Variants in NOL4L observed in about 807,000 individuals in gnomAD.
NOL4L encodes nucleolar protein 4 like.
NOL4L carries 7 observed loss-of-function variants against 64.5 expected under a neutral mutation model. That is an observed-to-expected ratio of 0.11 (90% CI 0.06 to 0.20). The LOEUF is 0.20. NOL4L is among the 10% of genes least tolerant of loss of function. The probability of loss-of-function intolerance (pLI) is 1.00; values close to 1 mark genes in which losing one functional copy is unlikely to be tolerated. For synonymous variants in NOL4L, 413 were observed against 401.0 expected (o/e 1.03, Z -0.36); for missense variants, 680 against 967.1 (o/e 0.70, Z 3.94).
At chr20:32,581,266 C>G (rs1281653073) in intron 1 of NOL4L, among the ~76,000 whole-genome samples, 1 of 152,148 alleles carries the variant, frequency 6.6e-6, no homozygotes, top group African/African-American at 2.4e-5. Flanking sequence ...GACCCCCGCC[C>G]TGCCCCACCC....
At chr20:32,535,766 G>C in intron 1 of NOL4L, 1 of 985,490 alleles carries the variant, frequency 1.0e-6, no homozygotes, top group South Asian at 4.7e-5. Flanking sequence ...GTAGGGGGAA[G>C]GAATGGGAAG....
At chr20:32,506,799 GCTC>G (rs2017158684) in intron 4 of NOL4L, among the ~76,000 whole-genome samples, 1 of 152,184 alleles carries the variant, frequency 6.6e-6, no homozygotes, top group African/African-American at 2.4e-5. Context: ...GAAGGGGTCT[GCTC>G]CTCCTCACCT....
chr20:32,574,942 C>G (rs1182487855), intron 1 of NOL4L, among the ~76,000 whole-genome samples: 1 of 152,096 alleles, frequency 6.6e-6, no homozygotes, highest in Non-Finnish European at 1.5e-5. Flanking sequence ...CCCAGGGTTG[C>G]CTGCGACCCT....
Position 32,463,635 on chromosome 20 carries a change from A to G in NOL4L, c.842-7240T>C, listed in dbSNP as rs2014288849. Among the ~76,000 whole-genome samples the G allele has an allele frequency of 6.6e-6, 1 of 152,194 alleles. No individual in the cohort carries two copies. The highest frequency in any genetic ancestry group is 6.5e-5 in the Admixed American group (1 of 15,288). On this transcript the variant is annotated intron_variant, in intron 5 of 10. Coordinates refer to ENST00000621426, the MANE Select transcript of NOL4L (RefSeq NM_001256798.2). The surrounding 1 kb of genome is among the most constrained non-coding windows in gnomAD (Gnocchi z 5.8). ...CAATGTGCTGCTATTCAAATGGAGG[A>G]ATTAGTGATGAATGGGGGAAATTGT... is the stretch of plus-strand genomic sequence containing the variant.
At chr20:32,568,139 T>C (rs1473735908) in intron 1 of NOL4L, among the ~76,000 whole-genome samples, 2 of 151,670 alleles carry the variant, frequency 1.3e-5, no homozygotes, top group African/African-American at 2.4e-5. Flanking sequence ...ATCACCATCC[T>C]CACCACCATC....
At chr20:32,541,271 C>G (rs1367445838) in intron 1 of NOL4L, among the ~76,000 whole-genome samples, 1 of 152,190 alleles carries the variant, frequency 6.6e-6, no homozygotes, top group Admixed American at 6.5e-5. Context: ...AAGGAATAAG[C>G]AAGTGGCCTC....
In NOL4L at chr20:32,494,276, A is replaced by C. The variant is rs1484884289; in HGVS notation, c.699+17071T>G. Among the ~76,000 whole-genome samples, 14 of 85,160 alleles carry C rather than the reference A, an allele frequency of 1.6e-4. 1 individual carries two copies. Among genetic ancestry groups the C allele is most frequent in the Non-Finnish European group, 3.1e-4 (12 of 39,086 alleles). 55.9% of individuals were successfully genotyped at this position (85,160 alleles called of 152,430 possible). On this transcript the variant is annotated intron_variant, in intron 4 of 10. Coordinates refer to ENST00000621426, the MANE Select transcript of NOL4L (RefSeq NM_001256798.2). Reference sequence around the variant, plus strand: ...GGGAAAAAAAAAAAAAAAAAAAAAAAAAAAAACACACAACACACACACACA... The same window carrying C: ...GGGAAAAAAAAAAAAAAAAAAAAAACAAAAAACACACAACACACACACACA...
At chr20:32,497,915 G>A (rs1210747954) in intron 4 of NOL4L, among the ~76,000 whole-genome samples, 4 of 152,208 alleles carry the variant, frequency 2.6e-5, no homozygotes, top group Non-Finnish European at 5.9e-5. Flanking sequence ...AAAGCGTCCC[G>A]AGGCCAGCCC....
At chr20:32,502,608 T>C (rs1458325623) in intron 4 of NOL4L, among the ~76,000 whole-genome samples, 2 of 148,520 alleles carry the variant, frequency 1.3e-5, no homozygotes, top group African/African-American at 5.0e-5. Context: ...GTATTCTATC[T>C]ATAAAAATAA....
At chr20:32,523,357 G>T (rs1425151444) in intron 2 of NOL4L, among the ~76,000 whole-genome samples, 1 of 152,188 alleles carries the variant, frequency 6.6e-6, no homozygotes, top group Non-Finnish European at 1.5e-5. Flanking sequence ...GTCCAGCCCA[G>T]CTCTGCACTG....
chr20:32,537,000 G>C, intron 1 of NOL4L: 4 of 660,516 alleles, frequency 6.1e-6, no homozygotes, highest in South Asian at 7.0e-5. Context: ...GCGCGCGCCC[G>C]CCGGCCTCGC....
At chr20:32,537,526 AC>A (rs1457490386) in intron 1 of NOL4L, among the ~76,000 whole-genome samples, 1 of 152,206 alleles carries the variant, frequency 6.6e-6, no homozygotes, top group Non-Finnish European at 1.5e-5. Context: ...CGATTTGCCC[AC>A]AGTCACAAGG....
intron 5 of NOL4L, among the ~76,000 whole-genome samples, chr20:32,461,286 C>T (rs1451056971): frequency 3.3e-5 from 5 of 152,176 alleles, no homozygotes; most frequent in South Asian, 2.1e-4. Flanking sequence ...TTGCTGTTCC[C>T]TCTTCCTGCT....
intron 10 of NOL4L, among the ~76,000 whole-genome samples, chr20:32,449,476 A>G (rs2012653105): frequency 6.6e-6 from 1 of 152,260 alleles, no homozygotes; most frequent in African/African-American, 2.4e-5. Context: ...CAAATGGGGA[A>G]GGAAGCTGGA....
At chr20:32,452,197 C>G in intron 10 of NOL4L, 39 bp downstream of exon 10, 1 of 1,486,960 alleles carries the variant, frequency 6.7e-7, no homozygotes, top group Non-Finnish European at 9.0e-7. Context: ...CAGCTGGGTG[C>G]TGGTCGGGAA....
Position 32,497,715 on chromosome 20 carries a change from C to A in NOL4L, c.699+13632G>T, listed in dbSNP as rs2016752369. 2.0e-5 allele frequency among the ~76,000 whole-genome samples: 3 copies of A among 152,180 alleles called. No individual in the cohort carries two copies. The South Asian group carries it at 6.2e-4, about 31-fold the overall frequency. ...TGAGCTGCTCCTTCCTGGCCCAGCCCAGGAAAGACGTCTCCTTTCCTGTTA... is the reference window on the plus strand; with the variant it reads ...TGAGCTGCTCCTTCCTGGCCCAGCCAAGGAAAGACGTCTCCTTTCCTGTTA... On this transcript the variant is annotated intron_variant, in intron 4 of 10. Transcript: ENST00000621426.
At chr20:32,502,156 T>C (rs2016945981) in intron 4 of NOL4L, among the ~76,000 whole-genome samples, 1 of 152,146 alleles carries the variant, frequency 6.6e-6, no homozygotes, top group Admixed American at 6.5e-5. Flanking sequence ...ACTTATAGTA[T>C]AAGCAGGTTA....
intron 1 of NOL4L, among the ~76,000 whole-genome samples, chr20:32,557,893 T>C (rs1397597699): frequency 6.6e-6 from 1 of 152,116 alleles, no homozygotes; most frequent in African/African-American, 2.4e-5. Context: ...AGTGAAACCT[T>C]GTTTCTACAA....
At chr20:32,565,463 T>G (rs1979368769) in intron 1 of NOL4L, among the ~76,000 whole-genome samples, 1 of 152,296 alleles carries the variant, frequency 6.6e-6, no homozygotes, top group Non-Finnish European at 1.5e-5. Flanking sequence ...GGTGCATGCA[T>G]GGGGCTGCTT....
Sources: allele counts gnomAD v4.1 joint callset (sites outside exome capture counted in the v4.1 genomes callset), GRCh38; gene constraint gnomAD v4.1.1; non-coding constraint Gnocchi (gnomAD v3.1); transcripts MANE v1.5; gene names NCBI Gene and HGNC (gene_info 2026-07-23, HGNC 2026-07-21).